The following NWD1 variants were observed in gnomAD, a reference collection of about 807,000 sequenced individuals.
The protein encoded by NWD1 is NACHT and WD repeat domain containing 1.
A neutral mutation model predicts 135.1 loss-of-function variants in NWD1; 129 were observed. The ratio of observed to expected loss-of-function variants is 0.96; its 90% confidence interval spans 0.83 to 1.11. NWD1 has a LOEUF of 1.11. Ranked by LOEUF, NWD1 falls within the 50% of genes least tolerant of loss-of-function variation. The pLI is 0.00. For missense variants in NWD1, 1,740 were observed against 1,851.3 expected (o/e 0.94, Z 1.10); for synonymous variants, 773 against 786.0 (o/e 0.98, Z 0.28).
chr19:16,767,364 C>T lies in NWD1; in HGVS notation c.2410+2172C>T, dbSNP rs113483252. ...GTGTGGTGGCTCACGCCTATAATCC[C>T]AGCACTTTGGGAGGCCGAGGCAGGC... On this transcript the variant is annotated intron_variant, in intron 10 of 18. Coordinates refer to ENST00000524140, the MANE Select transcript of NWD1 (RefSeq NM_001007525.5). Among the ~76,000 whole-genome samples, 1,173 of 152,032 alleles carry T rather than the reference C, an allele frequency of 7.7e-3. 11 individuals carry two copies. Among genetic ancestry groups the T allele is most frequent in the Non-Finnish European group, 9.9e-3 (670 of 67,970 alleles).
chr19:16,796,937 G>A (rs1454747212), intron 15 of NWD1, among the ~76,000 whole-genome samples: 1 of 152,104 alleles, frequency 6.6e-6, no homozygotes, highest in African/African-American at 2.4e-5. Flanking sequence ...CCAGCACATT[G>A]GAAGTCCGAG....
In NWD1 at chr19:16,800,164, T is replaced by C; in HGVS notation, c.3736+2T>C. ...TCACTATTTGGGACTTGGCAGAAGG[T>C]TGGTAAGGTATAAGTATGGTCATTT... On this transcript the variant is annotated splice_donor_variant, in intron 17 of 18. Transcript: ENST00000524140. LOFTEE classifies it high-confidence loss of function. The C allele has an allele frequency of 6.2e-7, 1 of 1,607,900 alleles. No homozygotes were observed. Among genetic ancestry groups the C allele is most frequent in the Non-Finnish European group, 8.5e-7 (1 of 1,176,616 alleles).
At chr19:16,745,108 G>T (rs988217879) in intron 5 of NWD1, 2 of 464,318 alleles carry the variant, frequency 4.3e-6, no homozygotes, top group African/African-American at 4.0e-5. Context: ...ATGGCTGAAG[G>T]CAAAGGAGAA....
chr19:16,744,151 G>A (rs1968202342), intron 4 of NWD1, among the ~76,000 whole-genome samples: 1 of 152,144 alleles, frequency 6.6e-6, no homozygotes. Context: ...CACTTTGTGA[G>A]GCTGAGATGA....
chr19:16,737,602 G>T (rs1967877172), intron 4 of NWD1, among the ~76,000 whole-genome samples: 2 of 146,052 alleles, frequency 1.4e-5, no homozygotes, highest in Non-Finnish European at 1.5e-5. Context: ...TTGCTATGTT[G>T]CCCAGGCTGG....
chr19:16,749,154 T>C lies in NWD1; in HGVS notation c.512T>C (p.Ile171Thr), dbSNP rs1210268692. The change falls in exon 6 of 19, where the codon ATA becomes ACA. Residue 171 changes from isoleucine to threonine, a missense_variant. By Grantham distance (89) the Ile-to-Thr change is moderately conservative. Coordinates refer to ENST00000524140, the MANE Select transcript of NWD1 (RefSeq NM_001007525.5). ...ACTTTGGCAGTCATTGAGTGGGAGA[T>C]AGAGCGGAGCCTGCTGAGCTCAGAG... ...HYHRSVIEWE[I>T]ERSLLSSEDR... The C allele has an allele frequency of 6.2e-7, 1 of 1,603,030 alleles. No homozygotes were observed. Among genetic ancestry groups the C allele is most frequent in the African/African-American group, 1.3e-5 (1 of 74,666 alleles).
At chr19:16,730,140 G>T (rs1264101182) in intron 2 of NWD1, among the ~76,000 whole-genome samples, 1 of 151,714 alleles carries the variant, frequency 6.6e-6, no homozygotes, top group Non-Finnish European at 1.5e-5. Flanking sequence ...TGGCCAACAT[G>T]ATGAAACCCC....
intron 10 of NWD1, among the ~76,000 whole-genome samples, chr19:16,768,170 T>G (rs1021278867): frequency 2.6e-5 from 4 of 151,778 alleles, no homozygotes; most frequent in African/African-American, 9.7e-5. Context: ...AATTTTTGTA[T>G]TTTTTAGTAG....
At chr19:16,722,070 G>A (rs1967155865) in intron 1 of NWD1, among the ~76,000 whole-genome samples, 1 of 151,878 alleles carries the variant, frequency 6.6e-6, no homozygotes, top group African/African-American at 2.4e-5. Flanking sequence ...CTATGATCAT[G>A]TCACTGCACT....
Position 16,809,648 on chromosome 19 carries a change from G to C in NWD1, c.4287+1512G>C, listed in dbSNP as rs909692515. Among the ~76,000 whole-genome samples, 9 of 149,772 alleles carry C rather than the reference G, an allele frequency of 6.0e-5. No individual in the cohort carries two copies. In the Admixed American group the frequency reaches 6.1e-4, roughly 10 times the overall value. On this transcript the variant is annotated intron_variant, in intron 18 of 18. Coordinates refer to ENST00000524140, the MANE Select transcript of NWD1 (RefSeq NM_001007525.5). Reference sequence around the variant, plus strand: ...CGGCTCACTACAAGCTCTGCCTCCCGGGTTTATGCCATTCTCCTGCCTCAG... The same window carrying C: ...CGGCTCACTACAAGCTCTGCCTCCCCGGTTTATGCCATTCTCCTGCCTCAG...
chr19:16,786,153 C>T (rs1327475636), intron 12 of NWD1, among the ~76,000 whole-genome samples: 1 of 151,700 alleles, frequency 6.6e-6, no homozygotes, highest in Non-Finnish European at 1.5e-5. Flanking sequence ...GCGTGAGCCA[C>T]TGTGCCAGCC....
At position 16,789,172 on chromosome 19, in the gene NWD1, T is replaced by A; in HGVS notation, c.2922T>A (p.Tyr974Ter). ...LHVDEAHKVVYSASGSKINAW... is the reference protein window; with the variant it reads ...LHVDEAHKVV Reference sequence around the variant, plus strand: ...TGGATGAGGCACACAAAGTTGTGTATTCAGCATCTGGCTCAAAGGTAACAA... The same window carrying A: ...TGGATGAGGCACACAAAGTTGTGTAATCAGCATCTGGCTCAAAGGTAACAA... The change falls in exon 13 of 19, where the codon TAT (tyrosine) becomes TAA (stop). Residue 974 changes from tyrosine (Y) to a stop codon, truncating the protein, a stop_gained. Coordinates refer to ENST00000524140, the MANE Select transcript of NWD1 (RefSeq NM_001007525.5). LOFTEE classifies it high-confidence loss of function. The A allele has an allele frequency of 6.2e-7, 1 of 1,613,840 alleles. No individual in the cohort carries two copies. Among genetic ancestry groups the A allele is most frequent in the Non-Finnish European group, 8.5e-7 (1 of 1,179,742 alleles).
intron 12 of NWD1, among the ~76,000 whole-genome samples, chr19:16,782,572 G>C (rs1319539888): frequency 6.6e-6 from 1 of 152,038 alleles, no homozygotes; most frequent in East Asian, 1.9e-4. Flanking sequence ...AAATTTAAAG[G>C]GGTGCCCTAA....
At chr19:16,737,632 C>T (rs1967878447) in intron 4 of NWD1, among the ~76,000 whole-genome samples, 1 of 150,226 alleles carries the variant, frequency 6.7e-6, no homozygotes, top group Non-Finnish European at 1.5e-5. Flanking sequence ...TAATTTATTA[C>T]ATCGAGTTCC....
chr19:16,811,781 C>T (rs547869039), intron 18 of NWD1, among the ~76,000 whole-genome samples: 216 of 152,148 alleles, frequency 1.4e-3, no homozygotes, highest in Non-Finnish European at 2.1e-3. Flanking sequence ...CCCTGTGGGG[C>T]GCTTCAAAGC....
chr19:16,724,982 C>T (rs1257166675), intron 2 of NWD1, among the ~76,000 whole-genome samples: 2 of 151,224 alleles, frequency 1.3e-5, no homozygotes, highest in African/African-American at 4.9e-5. Context: ...GCGTGAGCCA[C>T]TATGCCTAGC....
chr19:16,729,223 A>G (rs563299138), intron 2 of NWD1, among the ~76,000 whole-genome samples: 1 of 152,058 alleles, frequency 6.6e-6, no homozygotes, highest in East Asian at 1.9e-4. Flanking sequence ...AGGCTTAAAA[A>G]CTGCCAGAAC....
At chr19:16,798,847 A>C (rs1351405451) in intron 16 of NWD1, among the ~76,000 whole-genome samples, 1 of 151,966 alleles carries the variant, frequency 6.6e-6, no homozygotes, top group Non-Finnish European at 1.5e-5. Flanking sequence ...GGCTGGTCTC[A>C]AACTCCTGAC....
At chr19:16,758,485 CT>C (rs1482478555) in intron 6 of NWD1, among the ~76,000 whole-genome samples, 1 of 152,100 alleles carries the variant, frequency 6.6e-6, no homozygotes, top group Non-Finnish European at 1.5e-5. Flanking sequence ...CCTTTGTTGC[CT>C]AGGCTGGTCT....
Sources: allele counts gnomAD v4.1 joint callset (sites outside exome capture counted in the v4.1 genomes callset), GRCh38; gene constraint gnomAD v4.1.1; transcripts MANE v1.5; gene names NCBI Gene and HGNC (gene_info 2026-07-23, HGNC 2026-07-21).